The following MYCL variants were observed in gnomAD, a reference collection of about 807,000 sequenced individuals.
The protein encoded by MYCL is protein L-Myc.
A neutral mutation model predicts 31.0 loss-of-function variants in MYCL; 11 were observed. That is an observed-to-expected ratio of 0.35 (90% CI 0.22 to 0.59). The LOEUF is 0.59. Among genes scored for constraint, MYCL ranks in the 20% least tolerant of loss-of-function variants. The pLI is 0.79. For missense variants in MYCL, 427 were observed against 486.1 expected (o/e 0.88, Z 1.14); for synonymous variants, 208 against 202.4 (o/e 1.03, Z -0.23).
In MYCL at chr1:39,896,372, C is replaced by A; in HGVS notation, c.*1000G>T. The A allele has an allele frequency of 5.0e-6, 1 of 200,692 alleles. No homozygotes were observed. Among genetic ancestry groups the A allele is most frequent in the East Asian group, 7.7e-5 (1 of 13,034 alleles). The allele number at this position is 200,692 out of a possible 1,614,324, so 12.4% of individuals were successfully genotyped here. A position where few individuals can be genotyped will look rare whatever the true frequency, so the allele number is the denominator to read the frequency against. ...TGGTTCCAGAAGAACTTCAAACTTG[C>A]CGCTCAAGGATTGAGATGAGGCAGG... is the stretch of plus-strand genomic sequence containing the variant. On this transcript the variant is annotated 3_prime_UTR_variant, in exon 2 of 2. Coordinates refer to ENST00000372816, the MANE Select transcript of MYCL (RefSeq NM_001033081.3).
Position 39,901,028 on chromosome 1 carries a change from T to G in MYCL, c.407A>C (p.Glu136Ala). The G allele has an allele frequency of 6.6e-7, 1 of 1,506,332 alleles. No individual in the cohort carries two copies. The allele number at this position is 1,506,332 out of a possible 1,614,324, so 93.3% of individuals were successfully genotyped here. ...GGCGGCGGGCGCCGGGTTGCCGGCT[T>G]CGAGGCTGGGAGTGCAGTCCGGGGC... Reference protein sequence around the residue: ...SAAPDCTPSLEAGNPAPAAPC... With the variant: ...SAAPDCTPSLAAGNPAPAAPC... The change falls in exon 1 of 2, where the codon GAA becomes GCA. Residue 136 changes from glutamate (E) to alanine (A), a missense_variant. Coordinates refer to ENST00000372816, the MANE Select transcript of MYCL (RefSeq NM_001033081.3). This position sits in a 1 kb window ranked among gnomAD's most constrained non-coding sequence, Gnocchi z 6.9.
rs1644481411 is a variant in MYCL at position 39,896,188 on chromosome 1, C to A, written c.*1184G>T. On this transcript the variant is annotated 3_prime_UTR_variant, in exon 2 of 2. Transcript: ENST00000372816. ...TAAAACCCACCAGAAGCAAGTCCACCTTCTGGAGCACTGGATGAGTCCCAA... is the reference window on the plus strand; with the variant it reads ...TAAAACCCACCAGAAGCAAGTCCACATTCTGGAGCACTGGATGAGTCCCAA... 2 of 203,908 alleles carry A rather than the reference C, an allele frequency of 9.8e-6. No individual in the cohort carries two copies. The highest frequency in any genetic ancestry group is 1.5e-4 in the East Asian group (2 of 13,318). The allele number at this position is 203,908 out of a possible 1,614,324, so 12.6% of individuals were successfully genotyped here.
At chr1:39,899,687 G>A (rs1359107746) in intron 1 of MYCL, 1 of 985,192 alleles carries the variant, frequency 1.0e-6, no homozygotes, top group African/African-American at 1.7e-5. Context: ...TAAACTCTTG[G>A]TGTAGAAAGC....
rs1399409765 is a variant in MYCL, at chr1:39,901,083, G to C, written c.352C>G (p.Pro118Ala). Residue 118 changes from proline to alanine, a missense_variant, in exon 1 of 2, where the codon CCC becomes GCC. By Grantham distance (27) the Pro-to-Ala change is conservative. Coordinates refer to ENST00000372816, the MANE Select transcript of MYCL (RefSeq NM_001033081.3). This position sits in a 1 kb window ranked among gnomAD's most constrained non-coding sequence, Gnocchi z 6.9. ...AVSDRLAPGA[P>A]RGNPPKASAA... ...GACGCCTTGGGCGGGTTCCCCCGGG[G>C]CGCGCCAGGAGCGAGCCGGTCGCTC... 1.3e-6 allele frequency: 2 copies of C among 1,570,728 alleles called. No homozygotes were observed. The highest frequency in any genetic ancestry group is 1.7e-6 in the Non-Finnish European group (2 of 1,158,236).
Position 39,901,587 on chromosome 1 carries a change from CG to C in MYCL, c.-154del. 1 of 1,426,664 alleles carries C rather than the reference CG, an allele frequency of 7.0e-7. No homozygotes were observed. The highest frequency in any genetic ancestry group is 9.1e-7 in the Non-Finnish European group (1 of 1,098,508). The allele number at this position is 1,426,664 out of a possible 1,614,324, so 88.4% of individuals were successfully genotyped here. On this transcript the variant is annotated 5_prime_UTR_variant, in exon 1 of 2. Coordinates refer to ENST00000372816, the MANE Select transcript of MYCL (RefSeq NM_001033081.3). The surrounding 1 kb of genome is among the most constrained non-coding windows in gnomAD (Gnocchi z 6.9). The stretch of plus-strand genomic sequence containing the variant: ...CAGCCTGCGCCCAGTCCTCGCGTCC[CG>C]GGAAGCCGGGCCCCGGGTCAGAGTG...
chr1:39,899,878 A>G (rs1404610631), intron 1 of MYCL: 1 of 985,278 alleles, frequency 1.0e-6, no homozygotes, highest in Non-Finnish European at 1.2e-6. Flanking sequence ...GTCCTAATTT[A>G]TTTGTCACTA....
At position 39,901,727 on chromosome 1, in the gene MYCL, G is replaced by C; in HGVS notation, c.-293C>G. On this transcript the variant is annotated 5_prime_UTR_variant, in exon 1 of 2. Transcript: ENST00000372816. The surrounding 1 kb of genome is among the most constrained non-coding windows in gnomAD (Gnocchi z 6.9). ...CAGGGCCCGGCGGGGCCGGGCGGGG[G>C]CGCGCCGTGCCCAGAAGGCAGCCTG... 7 of 1,212,426 alleles carry C rather than the reference G, an allele frequency of 5.8e-6. No homozygotes were observed. The highest frequency in any genetic ancestry group is 7.2e-6 in the Non-Finnish European group (7 of 978,906). The allele number at this position is 1,212,426 out of a possible 1,614,324, so 75.1% of individuals were successfully genotyped here.
chr1:39,900,257 G>A, intron 1 of MYCL: 1 of 985,624 alleles, frequency 1.0e-6, no homozygotes, highest in East Asian at 1.1e-4. Context: ...CATCAAGGAA[G>A]AGGTGCCTGG....
Position 39,895,788 on chromosome 1 carries a change from A to C in MYCL, c.*1584T>G, listed in dbSNP as rs1644477245. On this transcript the variant is annotated 3_prime_UTR_variant, in exon 2 of 2. Transcript: ENST00000372816. The stretch of plus-strand genomic sequence containing the variant: ...TGTAAACCATGCTCCAGAAGGGTAG[A>C]GAGGCTATTTCCAAACATCCCCTGG... 4.4e-6 allele frequency: 1 copy of C among 225,834 alleles called. No homozygotes were observed. The highest frequency in any genetic ancestry group is 8.8e-6 in the Non-Finnish European group (1 of 113,432). The allele number at this position is 225,834 out of a possible 1,614,324, so 14.0% of individuals were successfully genotyped here.
intron 1 of MYCL, among the ~76,000 whole-genome samples, chr1:39,899,312 G>T (rs1644512599): frequency 6.6e-6 from 1 of 152,198 alleles, no homozygotes; most frequent in Non-Finnish European, 1.5e-5. Context: ...GATTCAGCAG[G>T]CTTCCCTACA....
Position 39,897,366 on chromosome 1 carries a change from G to C in MYCL, c.*6C>G. On this transcript the variant is annotated 3_prime_UTR_variant, in exon 2 of 2. Coordinates refer to ENST00000372816, the MANE Select transcript of MYCL (RefSeq NM_001033081.3). This position sits in a 1 kb window ranked among gnomAD's most constrained non-coding sequence, Gnocchi z 4.3. The stretch of plus-strand genomic sequence containing the variant: ...GTAAGACAGAACTGTCAGGCTTTTT[G>C]GTCAGTTAGTAGCCAGTGAGGTATG... The C allele has an allele frequency of 6.4e-7, 1 of 1,566,584 alleles. No individual in the cohort carries two copies. The highest frequency in any genetic ancestry group is 1.2e-5 in the South Asian group (1 of 85,386).
At chr1:39,899,480 T>G (rs1644514090) in intron 1 of MYCL, 1 of 301,718 alleles carries the variant, frequency 3.3e-6, no homozygotes, top group Non-Finnish European at 4.9e-6. Flanking sequence ...TCCAACCCCA[T>G]CGTGTGCAAA....
rs994435178 is a variant in MYCL at position 39,897,656 on chromosome 1, T to C, written c.811A>G (p.Lys271Glu). ...ESEAAQSCHPKPVSSDTEDVT... is the reference protein window; with the variant it reads ...ESEAAQSCHPEPVSSDTEDVT... ...TCCTCAGTATCAGAACTGACAGGTTTGGGGTGGCAGGACTGGGCAGCCTCA... is the reference window on the plus strand; with the variant it reads ...TCCTCAGTATCAGAACTGACAGGTTCGGGGTGGCAGGACTGGGCAGCCTCA... Residue 271 changes from lysine (K) to glutamate (E), a missense_variant, in exon 2 of 2, where the codon AAA becomes GAA. By Grantham distance (56) the Lys-to-Glu change is moderately conservative. Transcript: ENST00000372816. The surrounding 1 kb of genome is among the most constrained non-coding windows in gnomAD (Gnocchi z 4.3). The C allele has an allele frequency of 6.2e-7, 1 of 1,614,204 alleles. No homozygotes were observed. Among genetic ancestry groups the C allele is most frequent in the Non-Finnish European group, 8.5e-7 (1 of 1,180,040 alleles).
At chr1:39,899,925 G>A (rs965305597) in intron 1 of MYCL, 10 of 985,294 alleles carry the variant, frequency 1.0e-5, no homozygotes, top group Middle Eastern at 5.2e-4. Flanking sequence ...CCCTCTCCAG[G>A]ATTTCTCACG....
chr1:39,898,214 G>T, intron 1 of MYCL: 1 of 567,372 alleles, frequency 1.8e-6, no homozygotes, highest in Non-Finnish European at 3.0e-6. Context: ...GCACAGCAAG[G>T]CTTAGATAAG....
Position 39,901,461 on chromosome 1 carries a change from G to T in MYCL, c.-27C>A, listed in dbSNP as rs749610371. The stretch of plus-strand genomic sequence containing the variant: ...TCCGCTCCCTGCGGGAGGGAAGGGG[G>T]GACGTGCTGACCGGGTGCCGGCCGG... On this transcript the variant is annotated 5_prime_UTR_variant, in exon 1 of 2. Transcript: ENST00000372816. This position sits in a 1 kb window ranked among gnomAD's most constrained non-coding sequence, Gnocchi z 6.9. The T allele has an allele frequency of 2.1e-5, 34 of 1,602,546 alleles. No homozygotes were observed. In the African/African-American group the frequency reaches 4.5e-4, roughly 21 times the overall value.
Position 39,901,759 on chromosome 1 carries a change from GC to G in MYCL, c.-326del. On this transcript the variant is annotated 5_prime_UTR_variant, in exon 1 of 2. An upstream open reading frame in the 5' UTR gains an earlier in-frame stop. Coordinates refer to ENST00000372816, the MANE Select transcript of MYCL (RefSeq NM_001033081.3). This position sits in a 1 kb window ranked among gnomAD's most constrained non-coding sequence, Gnocchi z 6.9. Reference sequence around the variant, plus strand: ...GTGCCCAGAAGGCAGCCTGCAGCCAGCCCGCACCGCGGGACCCGCGCCCGTG... The same window carrying G: ...GTGCCCAGAAGGCAGCCTGCAGCCAGCCGCACCGCGGGACCCGCGCCCGTG... The G allele has an allele frequency of 8.2e-7, 1 of 1,221,236 alleles. No homozygotes were observed. Among genetic ancestry groups the G allele is most frequent in the Non-Finnish European group, 1.0e-6 (1 of 979,532 alleles). 75.6% of individuals were successfully genotyped at this position (1,221,236 alleles called of 1,614,324 possible).
rs1461170645 is a variant in MYCL, at chr1:39,901,808, C to T, written c.-374G>A. On this transcript the variant is annotated 5_prime_UTR_variant, in exon 1 of 2. Transcript: ENST00000372816. The surrounding 1 kb of genome is among the most constrained non-coding windows in gnomAD (Gnocchi z 6.9). Reference sequence around the variant, plus strand: ...GTGCCCTGGCCACCCGCAGCCTCACCTCGCTCCAGCCGCCCGCCACCTGGA... The same window carrying T: ...GTGCCCTGGCCACCCGCAGCCTCACTTCGCTCCAGCCGCCCGCCACCTGGA... 3.1e-6 allele frequency: 4 copies of T among 1,277,762 alleles called. No homozygotes were observed. The highest frequency in any genetic ancestry group is 6.3e-5 in the Admixed American group (2 of 31,910). 79.2% of individuals were successfully genotyped at this position (1,277,762 alleles called of 1,614,324 possible). A position where few individuals can be genotyped will look rare whatever the true frequency, so the allele number is the denominator to read the frequency against.
Position 39,896,909 on chromosome 1 carries a change from G to A in MYCL, c.*463C>T, listed in dbSNP as rs946986349. 5.0e-6 allele frequency: 1 copy of A among 198,882 alleles called. No homozygotes were observed. The highest frequency in any genetic ancestry group is 8.1e-5 in the East Asian group (1 of 12,272). The allele number at this position is 198,882 out of a possible 1,614,324, so 12.3% of individuals were successfully genotyped here. A position where few individuals can be genotyped will look rare whatever the true frequency, so the allele number is the denominator to read the frequency against. On this transcript the variant is annotated 3_prime_UTR_variant, in exon 2 of 2. Coordinates refer to ENST00000372816, the MANE Select transcript of MYCL (RefSeq NM_001033081.3). ...CAGCTCGTGTGTCTTCTGGAAAAAG[G>A]AGCCTCAGGGAGAGCATCCAGGCCC...
Sources: allele counts gnomAD v4.1 joint callset (sites outside exome capture counted in the v4.1 genomes callset), GRCh38; gene constraint gnomAD v4.1.1; non-coding constraint Gnocchi (gnomAD v3.1); transcripts MANE v1.5; gene names NCBI Gene and HGNC (gene_info 2026-07-23, HGNC 2026-07-21).